The following TMEM248 variants were observed in gnomAD, a reference collection of about 807,000 sequenced individuals.
TMEM248 encodes UPF0458 protein C7orf42.
TMEM248 carries 9 observed loss-of-function variants against 30.3 expected under a neutral mutation model. The ratio of observed to expected loss-of-function variants is 0.30; its 90% confidence interval spans 0.18 to 0.52. The LOEUF is 0.52. Among genes scored for constraint, TMEM248 ranks in the 20% least tolerant of loss-of-function variants. The pLI is 0.97. For synonymous variants in TMEM248, 184 were observed against 154.4 expected (o/e 1.19, Z -1.42); for missense variants, 338 against 403.3 (o/e 0.84, Z 1.39).
Position 66,948,624 on chromosome 7 carries a change from C to T in TMEM248, c.526C>T (p.His176Tyr). 1.2e-6 allele frequency: 2 copies of T among 1,614,168 alleles called. No individual in the cohort carries two copies. Among genetic ancestry groups the T allele is most frequent in the Non-Finnish European group, 1.7e-6 (2 of 1,180,000 alleles). The change falls in exon 4 of 7, where the codon CAC (histidine) becomes TAC (tyrosine). Residue 176 changes from histidine (H) to tyrosine (Y), a missense_variant. His to Tyr is a moderately conservative substitution (Grantham distance 83). Coordinates refer to ENST00000341567, the MANE Select transcript of TMEM248 (RefSeq NM_017994.5). ...WSSDDCALHGHCEQVVFTACM... is the reference protein window; with the variant it reads ...WSSDDCALHGYCEQVVFTACM... ...CTCAGATGACTGCGCCCTCCACGGTCACTGTGAGCAGGTGGTATTCACAGC... is the reference window on the plus strand; with the variant it reads ...CTCAGATGACTGCGCCCTCCACGGTTACTGTGAGCAGGTGGTATTCACAGC...
At chr7:66,938,451 A>T (rs780792417) in intron 1 of TMEM248, among the ~76,000 whole-genome samples, 31 of 152,194 alleles carry the variant, frequency 2.0e-4, no homozygotes, top group Non-Finnish European at 4.0e-4. Flanking sequence ...GGTGAATTGT[A>T]TGGTATGTGA....
chr7:66,941,649 C>CT (rs1217296838), intron 1 of TMEM248, among the ~76,000 whole-genome samples, 199 bp from the exon 2 acceptor site: 2 of 151,992 alleles, frequency 1.3e-5, no homozygotes, highest in African/African-American at 4.8e-5. Context: ...GATCCTGCCA[C>CT]TTTGAGGTAA....
intron 1 of TMEM248, among the ~76,000 whole-genome samples, chr7:66,928,895 C>T (rs1791592293): frequency 1.3e-5 from 2 of 152,054 alleles, no homozygotes; most frequent in Non-Finnish European, 2.9e-5. Flanking sequence ...TCCGGTGATC[C>T]CTCCACCTCA....
intron 1 of TMEM248, among the ~76,000 whole-genome samples, chr7:66,927,038 C>G (rs979369496): frequency 2.6e-5 from 4 of 152,134 alleles, no homozygotes; most frequent in African/African-American, 7.2e-5. Flanking sequence ...TCCCTCATGA[C>G]TTGTTTTCTT....
chr7:66,942,580 C>A (rs573291487), intron 2 of TMEM248, among the ~76,000 whole-genome samples: 107 of 152,276 alleles, frequency 7.0e-4, no homozygotes, highest in Non-Finnish European at 1.3e-3. Context: ...ACTGCAACTT[C>A]CACCTCCCGG....
chr7:66,951,373 C>A, intron 5 of TMEM248: 1 of 379,360 alleles, frequency 2.6e-6, no homozygotes, highest in South Asian at 8.2e-5. Flanking sequence ...TGTTCAGCAG[C>A]AGTTATTTCT....
At chr7:66,948,716 T>C (rs1792182384) in intron 4 of TMEM248, 22 bp downstream of exon 4, 1 of 1,588,584 alleles carries the variant, frequency 6.3e-7, no homozygotes, top group Non-Finnish European at 8.6e-7. Flanking sequence ...CGGCACCTGA[T>C]GAACGTGCGT....
Position 66,929,289 on chromosome 7 carries a change from C to G in TMEM248, c.-19+7828C>G, listed in dbSNP as rs944627391. 1.2e-4 allele frequency among the ~76,000 whole-genome samples: 18 copies of G among 152,050 alleles called. 1 individual carries two copies. The highest frequency in any genetic ancestry group is 9.8e-4 in the Admixed American group (15 of 15,252). On this transcript the variant is annotated intron_variant, in intron 1 of 6. Transcript: ENST00000341567. Reference sequence around the variant, plus strand: ...TTTTAGGGATCATACACAATAGGTGCAAAACTCTTAGAGCAGTGCCTCTCT... The same window carrying G: ...TTTTAGGGATCATACACAATAGGTGGAAAACTCTTAGAGCAGTGCCTCTCT...
chr7:66,922,336 C>T (rs1791408023), intron 1 of TMEM248: 2 of 152,164 alleles, frequency 1.3e-5, no homozygotes, highest in South Asian at 2.1e-4. Context: ...GCACCATCAG[C>T]TTGGGTCAGC....
chr7:66,926,321 C>A (rs1791523033), intron 1 of TMEM248, among the ~76,000 whole-genome samples: 1 of 152,064 alleles, frequency 6.6e-6, no homozygotes, highest in African/African-American at 2.4e-5. Flanking sequence ...AACAAAAAAT[C>A]CAATTGAAAA....
At chr7:66,933,047 A>G (rs955106751) in intron 1 of TMEM248, among the ~76,000 whole-genome samples, 1 of 151,874 alleles carries the variant, frequency 6.6e-6, no homozygotes, top group Non-Finnish European at 1.5e-5. Flanking sequence ...TTTAGTAGAG[A>G]CAGGGTTTCA....
intron 1 of TMEM248, among the ~76,000 whole-genome samples, chr7:66,940,870 A>T (rs762154897): frequency 6.6e-6 from 1 of 152,206 alleles, no homozygotes; most frequent in Non-Finnish European, 1.5e-5. Flanking sequence ...TTCTTTCTGT[A>T]CATGTTGTGT....
chr7:66,932,227 T>C (rs1289016352), intron 1 of TMEM248, among the ~76,000 whole-genome samples: 1 of 141,248 alleles, frequency 7.1e-6, no homozygotes, highest in East Asian at 1.9e-4. Flanking sequence ...CAATTAACTG[T>C]GTTTTTGTTA....
chr7:66,945,100 G>A lies in TMEM248; in HGVS notation c.284G>A (p.Arg95Gln), dbSNP rs766899475. ...PESTMTSGQA[R>Q]ASTQSPQALE... is the part of the protein sequence containing the mutation. ...AGTACAATGACCAGCGGGCAGGCCC[G>A]AGCTTCCACCCAGTCCCCCCAGGCC... The change falls in exon 3 of 7, where the codon CGA becomes CAA. Residue 95 changes from arginine (R) to glutamine (Q), a missense_variant. Transcript: ENST00000341567. 6.2e-6 allele frequency: 10 copies of A among 1,614,082 alleles called. No homozygotes were observed. The highest frequency in any genetic ancestry group is 2.2e-5 in the South Asian group (2 of 91,096).
chr7:66,935,977 T>G (rs538217437), intron 1 of TMEM248, among the ~76,000 whole-genome samples: 1 of 152,374 alleles, frequency 6.6e-6, no homozygotes, highest in East Asian at 1.9e-4. Context: ...GTATTTAGAT[T>G]TATCCAAATA....
chr7:66,941,906 T>G lies in TMEM248; in HGVS notation c.41T>G (p.Ile14Ser). The part of the protein sequence containing the change: ...INPLENLKVY[I>S]SSRPPLVVFM... ...CCCCTGGAGAACCTGAAGGTGTACA[T>G]CAGCAGTCGGCCTCCCCTGGTGGTC... Residue 14 changes from isoleucine (I) to serine (S), a missense_variant, in exon 2 of 7, where the codon ATC becomes AGC. Transcript: ENST00000341567. The G allele has an allele frequency of 6.2e-7, 1 of 1,614,136 alleles. No homozygotes were observed. The highest frequency in any genetic ancestry group is 2.2e-5 in the East Asian group (1 of 44,888).
chr7:66,954,350 G>T (rs1398031737), intron 6 of TMEM248, among the ~76,000 whole-genome samples: 10 of 143,916 alleles, frequency 6.9e-5, no homozygotes, highest in African/African-American at 1.3e-4. Flanking sequence ...TTATGTATTG[G>T]TTTTTTTTCT....
chr7:66,938,643 G>A (rs1044160883), intron 1 of TMEM248, among the ~76,000 whole-genome samples: 4 of 152,162 alleles, frequency 2.6e-5, no homozygotes, highest in African/African-American at 9.7e-5. Context: ...AACTAGCTGG[G>A]ACTACAGGCA....
chr7:66,945,043 A>G lies in TMEM248; in HGVS notation c.227A>G (p.Lys76Arg), dbSNP rs778553616. The G allele has an allele frequency of 7.4e-6, 12 of 1,614,214 alleles. No individual in the cohort carries two copies. The highest frequency in any genetic ancestry group is 9.3e-6 in the Non-Finnish European group (11 of 1,180,042). ...DLCVSENETL[K>R]HLTNDTTTPE... ...TGTGTATCAGAGAATGAAACCCTCA[A>G]GCATCTCACAAACGACACCACAACT... The change falls in exon 3 of 7, where the codon AAG (lysine) becomes AGG (arginine). Residue 76 changes from lysine to arginine, a missense_variant. Lys to Arg is a conservative substitution (Grantham distance 26, BLOSUM62 2). Coordinates refer to ENST00000341567, the MANE Select transcript of TMEM248 (RefSeq NM_017994.5).
Sources: allele counts gnomAD v4.1 joint callset (sites outside exome capture counted in the v4.1 genomes callset), GRCh38; gene constraint gnomAD v4.1.1; transcripts MANE v1.5; gene names NCBI Gene and HGNC (gene_info 2026-07-23, HGNC 2026-07-21).